PPP2R2B: variants seen among roughly 807,000 people sequenced by gnomAD.
The protein encoded by PPP2R2B is protein phosphatase 2 regulatory subunit Bbeta.
A neutral mutation model predicts 46.0 loss-of-function variants in PPP2R2B; 5 were observed. The ratio of observed to expected loss-of-function variants is 0.11; its 90% CI spans 0.06 to 0.23. The LOEUF is 0.23. Ranked by LOEUF, PPP2R2B falls within the 10% of genes least tolerant of loss-of-function variation. The pLI is 1.00. For synonymous variants in PPP2R2B, 215 were observed against 206.7 expected (o/e 1.04, Z -0.34); for missense variants, 367 against 575.0 (o/e 0.64, Z 3.70).
chr5:146,832,960 G>A (rs930153780), intron 2 of PPP2R2B, among the ~76,000 whole-genome samples: 18 of 151,582 alleles, frequency 1.2e-4, no homozygotes, highest in Admixed American at 4.0e-4. Flanking sequence ...ATTAACTGAC[G>A]CATGACTGTG....
At chr5:146,755,043 C>T (rs566157766) in intron 2 of PPP2R2B, among the ~76,000 whole-genome samples, 6 of 152,216 alleles carry the variant, frequency 3.9e-5, no homozygotes, top group African/African-American at 9.6e-5. Flanking sequence ...AACAATACAC[C>T]GTTTATATAA....
chr5:146,662,520 C>T (rs1315466920), intron 5 of PPP2R2B, among the ~76,000 whole-genome samples: 1 of 152,086 alleles, frequency 6.6e-6, no homozygotes, highest in Non-Finnish European at 1.5e-5. Context: ...CTGCTTCTGC[C>T]ATGGGGTGAT....
chr5:146,900,485 C>T lies in PPP2R2B; in HGVS notation c.79+155180G>A, dbSNP rs73796042. 5.9e-3 allele frequency among the ~76,000 whole-genome samples: 900 copies of T among 152,084 alleles called. 9 individuals are homozygous for T. Among genetic ancestry groups the T allele is most frequent in the African/African-American group, 0.02 (841 of 41,486 alleles). The stretch of plus-strand genomic sequence containing the variant: ...AAGGTTATTGTTCCAGCTTCCCTTC[C>T]TTTTCTTTCCTTTCTCCTTTCCTTT... On this transcript the variant is annotated intron_variant, in intron 1 of 8. Coordinates refer to the PPP2R2B transcript ENST00000336640.
In PPP2R2B at chr5:146,584,098, G is replaced by T. The variant is rs1396807397; in HGVS notation, c.*5849C>A. On this transcript the variant is annotated 3_prime_UTR_variant, in exon 10 of 10. Coordinates refer to ENST00000394411, the MANE Select transcript of PPP2R2B (RefSeq NM_181675.4). ...AACCCAGGTTGACTTTTTGGGGAAT[G>T]AGCAGCAGGGGCGGGAAGGCTGGGA... 6.6e-6 allele frequency: 1 copy of T among 152,550 alleles called. No individual in the cohort carries two copies. Among genetic ancestry groups the T allele is most frequent in the African/African-American group, 2.4e-5 (1 of 41,466 alleles). 9.4% of individuals were successfully genotyped at this position (152,550 alleles called of 1,614,324 possible).
chr5:146,732,297 A>C (rs913265334), intron 2 of PPP2R2B, among the ~76,000 whole-genome samples: 2 of 152,252 alleles, frequency 1.3e-5, no homozygotes, highest in Non-Finnish European at 2.9e-5. Context: ...AAATTTTTGC[A>C]AGGACCTCTT....
At chr5:146,993,197 C>A (rs139819328) in intron 1 of PPP2R2B, among the ~76,000 whole-genome samples, 306 of 151,560 alleles carry the variant, frequency 2.0e-3, no homozygotes, top group African/African-American at 7.1e-3. Context: ...CCTGCCTCAG[C>A]CTCCCAAAGT....
intron 1 of PPP2R2B, among the ~76,000 whole-genome samples, chr5:146,982,795 G>C (rs1753235157): frequency 6.6e-6 from 1 of 151,838 alleles, no homozygotes; most frequent in Admixed American, 6.6e-5. Context: ...GTCCTTCTCT[G>C]TCTCTTTAAA....
intron 1 of PPP2R2B, among the ~76,000 whole-genome samples, chr5:146,913,959 G>A (rs887066673): frequency 1.3e-5 from 2 of 152,160 alleles, no homozygotes; most frequent in Admixed American, 6.5e-5. Context: ...AAATCTATGA[G>A]GTTATAAGGA....
intron 7 of PPP2R2B, among the ~76,000 whole-genome samples, chr5:146,622,329 C>T (rs1191889749): frequency 6.6e-6 from 1 of 152,144 alleles, no homozygotes; most frequent in African/African-American, 2.4e-5. Flanking sequence ...ATCTGCACAA[C>T]AATCCAGTAA....
chr5:146,966,690 C>T (rs1469937142), intron 1 of PPP2R2B, among the ~76,000 whole-genome samples: 5 of 152,152 alleles, frequency 3.3e-5, no homozygotes, highest in Non-Finnish European at 7.3e-5. Context: ...ACGTATCCCT[C>T]GTACCTAACA....
At chr5:146,978,207 A>G (rs561063254) in intron 1 of PPP2R2B, among the ~76,000 whole-genome samples, 1 of 151,754 alleles carries the variant, frequency 6.6e-6, no homozygotes, top group East Asian at 1.9e-4. Context: ...TGCTTTGCCC[A>G]CTTTTTGATG....
At chr5:146,836,117 A>T (rs1759268294) in intron 2 of PPP2R2B, among the ~76,000 whole-genome samples, 1 of 152,192 alleles carries the variant, frequency 6.6e-6, no homozygotes, top group South Asian at 2.1e-4. Flanking sequence ...CTAAATTGTA[A>T]CAGAAAATTC....
At chr5:146,934,152 G>A (rs936272251) in intron 1 of PPP2R2B, among the ~76,000 whole-genome samples, 2 of 152,110 alleles carry the variant, frequency 1.3e-5, no homozygotes, top group East Asian at 3.9e-4. Flanking sequence ...ATGTGTGCAT[G>A]TGTCTTTATA....
chr5:147,063,808 G>T (rs907707848), intron 2 of PPP2R2B, among the ~76,000 whole-genome samples: 1 of 152,186 alleles, frequency 6.6e-6, no homozygotes, highest in Non-Finnish European at 1.5e-5. Context: ...TGAAAGGAAC[G>T]CAGCACATGA....
intron 2 of PPP2R2B, among the ~76,000 whole-genome samples, chr5:146,729,588 G>A (rs1752105391): frequency 6.6e-6 from 1 of 152,182 alleles, no homozygotes; most frequent in African/African-American, 2.4e-5. Flanking sequence ...TTCCAGGACT[G>A]GGCCCAGGTC....
At chr5:146,917,760 T>G (rs1352924846) in intron 1 of PPP2R2B, 3 of 152,230 alleles carry the variant, frequency 2.0e-5, no homozygotes, top group African/African-American at 7.2e-5. Flanking sequence ...TGTAGCAAGA[T>G]CTGAGGTGAA....
intron 2 of PPP2R2B, among the ~76,000 whole-genome samples, chr5:146,737,019 C>G (rs992631308): frequency 6.6e-6 from 1 of 152,004 alleles, no homozygotes; most frequent in Admixed American, 6.6e-5. Context: ...ATTGAAATAT[C>G]CTTTTAACAT....
chr5:147,074,712 A>G (rs1349167639), intron 2 of PPP2R2B, among the ~76,000 whole-genome samples: 1 of 152,204 alleles, frequency 6.6e-6, no homozygotes, highest in Non-Finnish European at 1.5e-5. Context: ...TGCAAATGTT[A>G]TAGTTAGAGG....
chr5:146,931,830 TC>T (rs1289997315), intron 1 of PPP2R2B, among the ~76,000 whole-genome samples: 1 of 152,168 alleles, frequency 6.6e-6, no homozygotes, highest in Non-Finnish European at 1.5e-5. Context: ...TTCTTAATTC[TC>T]TTAACAATTA....
Sources: gnomAD v4.1 joint callset for allele counts (sites outside exome capture counted in the v4.1 genomes callset) on GRCh38, gnomAD v4.1.1 for gene constraint, MANE v1.5 for transcripts, NCBI Gene and HGNC (gene_info 2026-07-23, HGNC 2026-07-21) for gene names.